The following THBS3 variants were observed in gnomAD, a reference collection of about 807,000 sequenced individuals.
The protein encoded by THBS3 is thrombospondin 3, also known as thrombospondin-3.
In THBS3, 78 loss-of-function variants were observed where a neutral mutation model predicts 118.3. That is an observed-to-expected ratio of 0.66 (90% CI 0.55 to 0.80). The LOEUF is 0.80. Among genes scored for constraint, THBS3 ranks in the 30% least tolerant of loss-of-function variants. The pLI, the probability that THBS3 is intolerant of heterozygous loss-of-function variation, is 0.00. For missense variants in THBS3, 1,057 were observed against 1,247.4 expected (o/e 0.85, Z 2.30); for synonymous variants, 427 against 475.3 (o/e 0.90, Z 1.32).
chr1:155,200,707 C>G, intron 13 of THBS3, 97 bp from the exon 14 acceptor site: 1 of 1,562,280 alleles, frequency 6.4e-7, no homozygotes, highest in Middle Eastern at 1.8e-4. Flanking sequence ...AAGATCACAC[C>G]CTTGTGATGG....
Position 155,198,509 on chromosome 1 carries a change from C to T in THBS3, c.1974G>A (p.Glu658=). 2.5e-6 allele frequency: 4 copies of T among 1,614,244 alleles called. No homozygotes were observed. Among genetic ancestry groups the T allele is most frequent in the Non-Finnish European group, 3.4e-6 (4 of 1,180,038 alleles). The change falls in exon 17 of 23, where the codon GAG becomes GAA. Residue 658 remains glutamate, a synonymous_variant. Coordinates refer to ENST00000368378, the MANE Select transcript of THBS3 (RefSeq NM_007112.5). ...CATCATTGTCATCATCCCCATCACA[C>T]TCATCTCCAAGTCCATCGTTATCAG... ...LDSDNDGLGD[E]CDGDDDNDGI...
chr1:155,198,145 T>G lies in THBS3; in HGVS notation c.2150A>C (p.Glu717Ala), dbSNP rs1445684420. ...AVVDPLDVCPESAEVTLTDFR... is the reference protein window; with the variant it reads ...AVVDPLDVCPASAEVTLTDFR... ...ATCCGTAAGCGTTACCTCTGCACTTTCAGGACACACATCCAGGGGGTCGAC... is the reference window on the plus strand; with the variant it reads ...ATCCGTAAGCGTTACCTCTGCACTTGCAGGACACACATCCAGGGGGTCGAC... The change falls in exon 18 of 23, where the codon GAA becomes GCA. Residue 717 changes from glutamate (E) to alanine (A), a missense_variant. Coordinates refer to ENST00000368378, the MANE Select transcript of THBS3 (RefSeq NM_007112.5). 6.2e-7 allele frequency: 1 copy of G among 1,614,162 alleles called. No individual in the cohort carries two copies. Among genetic ancestry groups the G allele is most frequent in the East Asian group, 2.2e-5 (1 of 44,892 alleles).
chr1:155,207,023 C>T (rs761737824), intron 1 of THBS3, among the ~76,000 whole-genome samples: 9 of 152,142 alleles, frequency 5.9e-5, no homozygotes, highest in African/African-American at 9.7e-5. Flanking sequence ...CACCAGGTGG[C>T]GCAAAGGAGA....
intron 16 of THBS3, 111 bp from the exon 17 acceptor site, chr1:155,198,713 G>T: frequency 9.1e-7 from 1 of 1,094,672 alleles, no homozygotes; most frequent in Non-Finnish European, 1.3e-6. Context: ...CAGACCCCTG[G>T]CAGTCAGCCA....
In THBS3 at chr1:155,206,309, T is replaced by TA; in HGVS notation, c.176dup (p.Leu59PhefsTer61). On this transcript the variant is annotated frameshift_variant, in exon 2 of 23. Coordinates refer to ENST00000368378, the MANE Select transcript of THBS3 (RefSeq NM_007112.5). LOFTEE classifies it high-confidence loss of function. This position sits in a 1 kb window ranked among gnomAD's most constrained non-coding sequence, Gnocchi z 4.2. ...GCTTGGGGGGCAGGCGGAAGGTGGA[T>TA]AAGAGGTAGATGTCCCCAGCAGTGA... 6.2e-7 allele frequency: 1 copy of TA among 1,614,074 alleles called. No homozygotes were observed. Among genetic ancestry groups the TA allele is most frequent in the Non-Finnish European group, 8.5e-7 (1 of 1,180,012 alleles).
upstream of THBS3, chr1:155,209,067 C>A: frequency 1.3e-6 from 2 of 1,538,954 alleles, no homozygotes; most frequent in Non-Finnish European, 8.8e-7. Context: ...CCGCCCTCCC[C>A]CGAGGCCCGC....
chr1:155,198,878 G>C (rs192719744), intron 16 of THBS3: 1 of 357,214 alleles, frequency 2.8e-6, no homozygotes, highest in African/African-American at 2.1e-5. Context: ...CCAGTACTTT[G>C]GGAGGCCAAG....
At chr1:155,199,960 C>T (rs767081758) in intron 15 of THBS3, 35 bp downstream of exon 15, 22 of 1,606,486 alleles carry the variant, frequency 1.4e-5, no homozygotes, top group Non-Finnish European at 1.7e-5. Context: ...CATCAGTACC[C>T]TCATCCCTCC....
chr1:155,208,813 CG>C (rs1670905347), upstream of THBS3: 1 of 1,556,220 alleles, frequency 6.4e-7, no homozygotes. Context: ...ACATGCTGCT[CG>C]GGGGACCCCC....
Position 155,198,541 on chromosome 1 carries a change from G to T in THBS3, c.1942C>A (p.Leu648Met). 1 of 1,614,236 alleles carries T rather than the reference G, an allele frequency of 6.2e-7. No individual in the cohort carries two copies. Among genetic ancestry groups the T allele is most frequent in the Non-Finnish European group, 8.5e-7 (1 of 1,180,034 alleles). Reference sequence around the variant, plus strand: ...CCAAGTCCATCGTTATCAGAGTCCAGCTGGGAGCTATTTGGCAGCTGTGGG... The same window carrying T: ...CCAAGTCCATCGTTATCAGAGTCCATCTGGGAGCTATTTGGCAGCTGTGGG... ...NCPQLPNSSQLDSDNDGLGDE... is the reference protein window; with the variant it reads ...NCPQLPNSSQMDSDNDGLGDE... Residue 648 changes from leucine (L) to methionine (M), a missense_variant, in exon 17 of 23, where the codon CTG (leucine) becomes ATG (methionine). Physicochemically the swap from Leu to Met is conservative, Grantham distance 15 (BLOSUM62 2). Around this residue, in one of 3 missense-constraint regions of THBS3, gnomAD observed 544 missense variants for 715.6 expected, o/e 0.76. Transcript: ENST00000368378.
chr1:155,198,818 G>A lies in THBS3; in HGVS notation c.1881-216C>T, dbSNP rs1669138635. 1.1e-5 allele frequency: 6 copies of A among 556,236 alleles called. No homozygotes were observed. In the South Asian group the frequency reaches 1.5e-4, roughly 14 times the overall value. 34.5% of individuals were successfully genotyped at this position (556,236 alleles called of 1,614,324 possible). A position where few individuals can be genotyped will look rare whatever the true frequency, so the allele number is the denominator to read the frequency against. ...AGAGAATTAAGGCTAAATCATAGAA[G>A]GAATTTAGAATATACTATGGCCTGG... On this transcript the variant is annotated intron_variant, in intron 16 of 22. Transcript: ENST00000368378.
At position 155,206,320 on chromosome 1, in the gene THBS3, T is replaced by A. The variant is rs143240289; in HGVS notation, c.166A>T (p.Ile56Phe). ...IRTALLTAGD[I>F]YLLSTFRLPP... ...AGGCGGAAGGTGGATAAGAGGTAGA[T>A]GTCCCCAGCAGTGAGCAAGGCTGTC... is the stretch of plus-strand genomic sequence containing the variant. The change falls in exon 2 of 23, where the codon ATC (isoleucine) becomes TTC (phenylalanine). Residue 56 changes from isoleucine (I) to phenylalanine (F), a missense_variant. Physicochemically the swap from Ile to Phe is conservative, Grantham distance 21 (BLOSUM62 0). This residue lies in a region of THBS3 where 206 missense variants were observed against 205.7 expected (regional missense o/e 1.00). Transcript: ENST00000368378. This position sits in a 1 kb window ranked among gnomAD's most constrained non-coding sequence, Gnocchi z 4.2. The A allele has an allele frequency of 2.5e-6, 4 of 1,614,164 alleles. No individual in the cohort carries two copies. In the Admixed American group the frequency reaches 5.0e-5, roughly 20 times the overall value.
Position 155,204,946 on chromosome 1 carries a change from TTC to T in THBS3, c.553_554del (p.Glu185IlefsTer18). The T allele has an allele frequency of 6.2e-7, 1 of 1,613,892 alleles. No individual in the cohort carries two copies. Among genetic ancestry groups the T allele is most frequent in the Non-Finnish European group, 8.5e-7 (1 of 1,180,004 alleles). ...ACCCACCCAGAATAATTTTCATAGA[TTC>T]CACAAAGCCCTGGGGGGATAGCAGC... ...KAYLRMQGFV[E>X]SMKIILGGSM... On this transcript the variant is annotated frameshift_variant, in exon 4 of 23. Coordinates refer to ENST00000368378, the MANE Select transcript of THBS3 (RefSeq NM_007112.5). LOFTEE classifies it high-confidence loss of function.
rs1286313335 is a variant in THBS3 at position 155,197,866 on chromosome 1, T to C, written c.2302+14A>G. ...TCCATTTGGAAGTGATTGAACTGCA[T>C]ATCCCTTACATACCAACTGCCAAGC... is the stretch of plus-strand genomic sequence containing the variant. On this transcript the variant is annotated intron_variant, in intron 19 of 22. Coordinates refer to ENST00000368378, the MANE Select transcript of THBS3 (RefSeq NM_007112.5). The surrounding 1 kb of genome is among the most constrained non-coding windows in gnomAD (Gnocchi z 5.0). 1 of 1,614,058 alleles carries C rather than the reference T, an allele frequency of 6.2e-7. No homozygotes were observed. The highest frequency in any genetic ancestry group is 2.2e-5 in the East Asian group (1 of 44,866).
chr1:155,196,451 A>G (rs2147897087), intron 21 of THBS3: 2 of 360,688 alleles, frequency 5.5e-6, no homozygotes, highest in South Asian at 4.0e-5. Flanking sequence ...ACCCCCTTTT[A>G]TCCCCTGTCC....
rs773551514 is a variant in THBS3, at chr1:155,196,027, T to C, written c.2772A>G (p.Gln924=). The C allele has an allele frequency of 9.3e-6, 15 of 1,614,070 alleles. No homozygotes were observed. Among genetic ancestry groups the C allele is most frequent in the Non-Finnish European group, 1.2e-5 (14 of 1,180,038 alleles). ...GGRLGVFCFS[Q]ENIIWSNLQY... ...GGAGATTGGACCAAATTATGTTTTC[T>C]TGGGAGAAGCAGAATACACCAAGAC... Residue 924 remains glutamine, a synonymous_variant, in exon 22 of 23, where the codon CAA becomes CAG. Transcript: ENST00000368378.
rs768299169 is a variant in THBS3 at position 155,206,405 on chromosome 1, T to C, written c.81A>G (p.Val27=). 1 of 1,613,806 alleles carries C rather than the reference T, an allele frequency of 6.2e-7. No homozygotes were observed. The highest frequency in any genetic ancestry group is 1.1e-5 in the South Asian group (1 of 91,066). ...ACTCGCCCACAGTCAGCAGGTCAAT[T>C]ACTGGTCAGGCAGGGGTTATCAAGG... ...FFTSASQDLQ[V]IDLLTVGESR... The change falls in exon 2 of 23, where the codon GTA becomes GTG. Residue 27 remains valine (V), a splice_region_variant and synonymous_variant. Transcript: ENST00000368378. The surrounding 1 kb of genome is among the most constrained non-coding windows in gnomAD (Gnocchi z 4.2).
rs992764286 is a variant in THBS3, at chr1:155,198,498, T to C, written c.1985A>G (p.Asp662Gly). The part of the protein sequence containing the change: ...NDGLGDECDG[D>G]DDNDGIPDYV... ...ATCTGGGATGCCATCATTGTCATCA[T>C]CCCCATCACACTCATCTCCAAGTCC... Residue 662 changes from aspartate (D) to glycine (G), a missense_variant, in exon 17 of 23, where the codon GAT (aspartate) becomes GGT (glycine). This residue lies in a region of THBS3 where 544 missense variants were observed against 715.6 expected (regional missense o/e 0.76). Transcript: ENST00000368378. 1 of 1,614,164 alleles carries C rather than the reference T, an allele frequency of 6.2e-7. No homozygotes were observed. Among genetic ancestry groups the C allele is most frequent in the South Asian group, 1.1e-5 (1 of 91,076 alleles).
intron 4 of THBS3, among the ~76,000 whole-genome samples, chr1:155,204,027 A>G (rs2148004032): frequency 6.6e-6 from 1 of 151,980 alleles, no homozygotes; most frequent in South Asian, 2.1e-4. Context: ...TTTAGTAGAG[A>G]GGAGGTTTCA....
Sources: allele counts gnomAD v4.1 joint callset (sites outside exome capture counted in the v4.1 genomes callset), GRCh38; gene constraint gnomAD v4.1.1; regional missense constraint gnomAD v4.1.1; non-coding constraint Gnocchi (gnomAD v3.1); transcripts MANE v1.5; gene names NCBI Gene and HGNC (gene_info 2026-07-23, HGNC 2026-07-21).